The following PPP3CA variants were observed in gnomAD, a reference collection of about 807,000 sequenced individuals.
PPP3CA encodes the protein CAM-PRP catalytic subunit.
Under a neutral mutation model 66.5 loss-of-function variants are expected in PPP3CA, and 14 were observed. The ratio of observed to expected loss-of-function variants is 0.21; its 90% confidence interval spans 0.14 to 0.33. The LOEUF is 0.33. PPP3CA is among the 10% of genes least tolerant of loss of function. The probability of loss-of-function intolerance (pLI) is 1.00; values close to 1 mark genes in which losing one functional copy is unlikely to be tolerated. For synonymous variants in PPP3CA, 232 were observed against 226.2 expected (o/e 1.03, Z -0.23); for missense variants, 317 against 639.5 (o/e 0.50, Z 5.44).
intron 2 of PPP3CA, chr4:101,171,014 C>T (rs1421169237): frequency 3.3e-6 from 1 of 302,818 alleles, no homozygotes; most frequent in African/African-American, 2.2e-5. Flanking sequence ...TAACTAGCAT[C>T]TACAGGAATA....
rs1553937781 is a variant in PPP3CA at position 101,278,132 on chromosome 4, A to AATAAAT, written c.58+68606_58+68607insATTTAT. ...TTTAAAAGCTATTAGTAAAAAAAAA[A>AATAAAT]AAAAAAATAAAAAAATTAAAAAGTT... On this transcript the variant is annotated intron_variant, in intron 1 of 13. Transcript: ENST00000394854. Among the ~76,000 whole-genome samples, 917 of 143,436 alleles carry AATAAAT rather than the reference A, an allele frequency of 6.4e-3. 21 individuals carry two copies. Among genetic ancestry groups the AATAAAT allele is most frequent in the African/African-American group, 0.026 (865 of 33,864 alleles). The allele number at this position is 143,436 out of a possible 152,430, so 94.1% of individuals were successfully genotyped here.
intron 1 of PPP3CA, among the ~76,000 whole-genome samples, chr4:101,252,550 T>C (rs1479934773): frequency 6.6e-6 from 1 of 152,130 alleles, no homozygotes; most frequent in Admixed American, 6.5e-5. Context: ...TCTGCACACA[T>C]TTATAACTCC....
intron 1 of PPP3CA, among the ~76,000 whole-genome samples, chr4:101,272,435 G>C (rs979245914): frequency 2.0e-5 from 3 of 152,086 alleles, no homozygotes; most frequent in Non-Finnish European, 4.4e-5. Context: ...TAATATACAA[G>C]ATACGTAGGA....
At chr4:101,172,457 AC>A (rs1346645054) in intron 2 of PPP3CA, among the ~76,000 whole-genome samples, 1 of 152,130 alleles carries the variant, frequency 6.6e-6, no homozygotes, top group Non-Finnish European at 1.5e-5. Context: ...GTTATTTAGG[AC>A]CTTAATTATG....
At chr4:101,041,498 G>A (rs975530013) in intron 10 of PPP3CA, among the ~76,000 whole-genome samples, 3 of 141,368 alleles carry the variant, frequency 2.1e-5, no homozygotes, top group East Asian at 2.1e-4. Flanking sequence ...GTAGTGGTGC[G>A]ATTTCGGCTC....
intron 8 of PPP3CA, among the ~76,000 whole-genome samples, chr4:101,075,979 A>G (rs1269869187): frequency 6.6e-6 from 1 of 152,154 alleles, no homozygotes; most frequent in East Asian, 1.9e-4. Context: ...TAAGTTCTCA[A>G]TAAAGGTTTA....
At chr4:101,340,470 C>T (rs1402798630) in intron 1 of PPP3CA, among the ~76,000 whole-genome samples, 2 of 151,930 alleles carry the variant, frequency 1.3e-5, no homozygotes, top group African/African-American at 4.8e-5. Context: ...TTTGTTAAAA[C>T]GGATTTGAGA....
At chr4:101,261,577 G>A (rs1727010725) in intron 1 of PPP3CA, among the ~76,000 whole-genome samples, 2 of 151,794 alleles carry the variant, frequency 1.3e-5, no homozygotes, top group African/African-American at 2.4e-5. Context: ...CAGCAAATCA[G>A]TCTGAAAAAA....
intron 2 of PPP3CA, among the ~76,000 whole-genome samples, chr4:101,131,697 G>C (rs1005475575): frequency 3.9e-5 from 6 of 152,106 alleles, no homozygotes; most frequent in African/African-American, 7.2e-5. Flanking sequence ...AGATTAATGA[G>C]ACAGAAAATT....
intron 2 of PPP3CA, among the ~76,000 whole-genome samples, chr4:101,135,740 G>A (rs574174825): frequency 6.6e-6 from 1 of 152,328 alleles, no homozygotes; most frequent in South Asian, 2.1e-4. Context: ...GTGATGTAAT[G>A]AGCTCACCCA....
intron 1 of PPP3CA, among the ~76,000 whole-genome samples, chr4:101,236,008 A>G (rs1726116377): frequency 6.6e-6 from 1 of 151,662 alleles, no homozygotes; most frequent in South Asian, 2.1e-4. Context: ...CACAGCTGAT[A>G]CAAAACACTG....
At chr4:101,246,716 T>C (rs1035710452) in intron 1 of PPP3CA, among the ~76,000 whole-genome samples, 2 of 152,182 alleles carry the variant, frequency 1.3e-5, no homozygotes, top group Non-Finnish European at 2.9e-5. Context: ...TACGTATATA[T>C]ATCTGTGTCT....
chr4:101,054,315 G>T (rs1728134688), intron 10 of PPP3CA, among the ~76,000 whole-genome samples: 1 of 151,850 alleles, frequency 6.6e-6, no homozygotes, highest in Admixed American at 6.6e-5. Context: ...CAAAGTGATG[G>T]GACTTTCTAA....
At chr4:101,332,683 T>G (rs1729426634) in intron 1 of PPP3CA, among the ~76,000 whole-genome samples, 1 of 152,358 alleles carries the variant, frequency 6.6e-6, no homozygotes, top group African/African-American at 2.4e-5. Context: ...GTGCAGGCAC[T>G]AAGGCTAGAC....
At chr4:101,176,429 A>C (rs1019519032) in intron 2 of PPP3CA, among the ~76,000 whole-genome samples, 1 of 152,190 alleles carries the variant, frequency 6.6e-6, no homozygotes, top group Non-Finnish European at 1.5e-5. Flanking sequence ...GACCTGGTGC[A>C]GAGAATCCAC....
intron 1 of PPP3CA, among the ~76,000 whole-genome samples, chr4:101,294,852 C>A (rs1312896384): frequency 6.6e-6 from 1 of 151,406 alleles, no homozygotes; most frequent in Non-Finnish European, 1.5e-5. Flanking sequence ...CCGCTTCCTG[C>A]ACCAGAAACC....
At chr4:101,083,691 C>G (rs1251429231) in intron 6 of PPP3CA, among the ~76,000 whole-genome samples, 1 of 152,162 alleles carries the variant, frequency 6.6e-6, no homozygotes. Flanking sequence ...ACAGAGATAA[C>G]TGAGTTTGCA....
At chr4:101,238,424 T>C (rs1194089507) in intron 1 of PPP3CA, among the ~76,000 whole-genome samples, 1 of 151,872 alleles carries the variant, frequency 6.6e-6, no homozygotes, top group Non-Finnish European at 1.5e-5. Flanking sequence ...AATATAAGAA[T>C]TTAAATATAA....
intron 2 of PPP3CA, among the ~76,000 whole-genome samples, chr4:101,131,293 A>G (rs1722427259): frequency 6.6e-6 from 1 of 151,406 alleles, no homozygotes; most frequent in African/African-American, 2.4e-5. Context: ...AAAAAGGCAC[A>G]GACTGGCAAA....
Sources: gnomAD v4.1 joint callset for allele counts (sites outside exome capture counted in the v4.1 genomes callset) on GRCh38, gnomAD v4.1.1 for gene constraint, MANE v1.5 for transcripts, NCBI Gene and HGNC (gene_info 2026-07-23, HGNC 2026-07-21) for gene names.